The following PRKAR2B variants were observed in gnomAD, a reference collection of about 807,000 sequenced individuals.
PRKAR2B encodes protein kinase cAMP-dependent type II regulatory subunit beta.
A neutral mutation model predicts 49.9 loss-of-function variants in PRKAR2B; 14 were observed. That is an observed-to-expected ratio of 0.28 (90% CI 0.19 to 0.44). The LOEUF (loss-of-function observed/expected upper bound fraction) is 0.44. Ranked by LOEUF, PRKAR2B falls within the 20% of genes least tolerant of loss-of-function variation. The pLI, the probability that PRKAR2B is intolerant of heterozygous loss-of-function variation, is 1.00. For missense variants in PRKAR2B, 393 were observed against 537.9 expected, an observed-to-expected ratio of 0.73 and a Z score of 2.67; for synonymous variants, 196 against 197.7, an observed-to-expected ratio of 0.99 and a Z score of 0.07.
At chr7:107,066,511 C>T (rs1794149452) in intron 1 of PRKAR2B, 2 of 152,018 alleles carry the variant, frequency 1.3e-5, no homozygotes, top group African/African-American at 2.4e-5. Context: ...ACTAAATAAG[C>T]GTCAGTCTCT....
intron 2 of PRKAR2B, chr7:107,091,668 A>C (rs1263621199): frequency 6.6e-6 from 1 of 152,234 alleles, no homozygotes; most frequent in Non-Finnish European, 1.5e-5. Flanking sequence ...ACAAGTCAGC[A>C]GTAACTTCTA....
At chr7:107,045,316 C>T (rs1012645546) in intron 1 of PRKAR2B, 102 bp downstream of exon 1, 8 of 1,007,054 alleles carry the variant, frequency 7.9e-6, no homozygotes, top group South Asian at 3.5e-5. Context: ...ACCCACCTCT[C>T]CCCGCATTCT....
chr7:107,117,544 T>TGA (rs1244179302), intron 2 of PRKAR2B, among the ~76,000 whole-genome samples: 1 of 152,186 alleles, frequency 6.6e-6, no homozygotes, highest in African/African-American at 2.4e-5. Context: ...CTGCCAGAGC[T>TGA]GAGGACCCAG....
chr7:107,073,949 T>A (rs1447807850), intron 2 of PRKAR2B, among the ~76,000 whole-genome samples: 2 of 151,804 alleles, frequency 1.3e-5, no homozygotes, highest in Non-Finnish European at 2.9e-5. Flanking sequence ...ATAGTCCCAG[T>A]TACTCGGGAG....
chr7:107,153,260 T>C lies in PRKAR2B; in HGVS notation c.918+9T>C, dbSNP rs201936544. On this transcript the variant is annotated intron_variant, in intron 8 of 10. Transcript: ENST00000265717. ...AACAAATCATTGCTCAGGTATGATA[T>C]TTTGAAATGTAATTCAGTTTAGGGT... 453 of 1,587,188 alleles carry C rather than the reference T, an allele frequency of 2.9e-4. 2 individuals carry two copies. In the African/African-American group the frequency reaches 5.2e-3, roughly 18 times the overall value.
intron 2 of PRKAR2B, among the ~76,000 whole-genome samples, chr7:107,076,529 A>G (rs1400506817): frequency 2.6e-5 from 4 of 152,212 alleles, no homozygotes; most frequent in African/African-American, 9.6e-5. Context: ...GCATTAGCAC[A>G]GCTGCTGTTT....
chr7:107,139,151 T>G (rs1795750067), intron 4 of PRKAR2B, among the ~76,000 whole-genome samples: 2 of 152,122 alleles, frequency 1.3e-5, no homozygotes, highest in African/African-American at 4.8e-5. Context: ...GAAATATCTA[T>G]CTCATGTGTT....
At chr7:107,114,263 T>A (rs1190694420) in intron 2 of PRKAR2B, among the ~76,000 whole-genome samples, 1 of 149,124 alleles carries the variant, frequency 6.7e-6, no homozygotes, top group African/African-American at 2.5e-5. Context: ...TTTGGAGGCA[T>A]TTTTGAAGAA....
intron 1 of PRKAR2B, among the ~76,000 whole-genome samples, chr7:107,056,732 G>A (rs1394523053): frequency 6.6e-6 from 1 of 152,090 alleles, no homozygotes; most frequent in Non-Finnish European, 1.5e-5. Flanking sequence ...ATGTTAAATA[G>A]ACTTTTAATA....
intron 10 of PRKAR2B, among the ~76,000 whole-genome samples, chr7:107,158,001 C>T (rs1226805974): frequency 6.6e-6 from 1 of 152,132 alleles, no homozygotes; most frequent in African/African-American, 2.4e-5. Context: ...ATAGCATAAA[C>T]TTAATGTTTT....
At chr7:107,139,086 T>G (rs1485133997) in intron 4 of PRKAR2B, among the ~76,000 whole-genome samples, 1 of 152,312 alleles carries the variant, frequency 6.6e-6, no homozygotes, top group East Asian at 1.9e-4. Context: ...TTTTTTTTGG[T>G]CTCATGGATA....
chr7:107,097,315 C>T (rs1388514128), intron 2 of PRKAR2B, among the ~76,000 whole-genome samples: 7 of 152,124 alleles, frequency 4.6e-5, no homozygotes, highest in African/African-American at 1.7e-4. Context: ...TTTTATCAGA[C>T]ACTAGGCTTG....
At chr7:107,126,443 AGT>A (rs1795495990) in intron 3 of PRKAR2B, among the ~76,000 whole-genome samples, 1 of 149,768 alleles carries the variant, frequency 6.7e-6, no homozygotes, top group African/African-American at 2.5e-5. Flanking sequence ...AAAAAAAAAA[AGT>A]CGTCATTGGT....
At chr7:107,090,084 A>C (rs1195518884) in intron 2 of PRKAR2B, among the ~76,000 whole-genome samples, 1 of 152,216 alleles carries the variant, frequency 6.6e-6, no homozygotes, top group Non-Finnish European at 1.5e-5. Context: ...AAGTGACTGC[A>C]ATGTGCAAAC....
chr7:107,055,967 T>C (rs1407786597), intron 1 of PRKAR2B, among the ~76,000 whole-genome samples: 2 of 152,250 alleles, frequency 1.3e-5, no homozygotes, highest in Non-Finnish European at 2.9e-5. Flanking sequence ...TTTAAGTCTT[T>C]AATCCATCTT....
rs868499095 is a variant in PRKAR2B, at chr7:107,065,344, G to A, written c.308-4937G>A. ...TGTATGTGTGTGTGTGTGTGTGTGT[G>A]TGTGTGTGTGTGTGTGTGTGTGTGT... On this transcript the variant is annotated intron_variant, in intron 1 of 10. Transcript: ENST00000265717. 7.2e-3 allele frequency among the ~76,000 whole-genome samples: 944 copies of A among 131,566 alleles called. 13 individuals are homozygous for A. The highest frequency in any genetic ancestry group is 0.021 in the African/African-American group (759 of 35,784). The allele number at this position is 131,566 out of a possible 152,430, so 86.3% of individuals were successfully genotyped here. A position where few individuals can be genotyped will look rare whatever the true frequency, so the allele number is the denominator to read the frequency against.
At chr7:107,051,665 G>A (rs1793806148) in intron 1 of PRKAR2B, among the ~76,000 whole-genome samples, 1 of 151,860 alleles carries the variant, frequency 6.6e-6, no homozygotes, top group Admixed American at 6.6e-5. Context: ...AAGAAAATCA[G>A]AACTATAAAC....
intron 1 of PRKAR2B, among the ~76,000 whole-genome samples, chr7:107,055,101 T>C (rs1219994517): frequency 2.6e-5 from 4 of 152,296 alleles, no homozygotes; most frequent in African/African-American, 9.6e-5. Flanking sequence ...CTGAGAATGA[T>C]GGTTTCCAGC....
intron 3 of PRKAR2B, among the ~76,000 whole-genome samples, chr7:107,124,284 G>T (rs1330484329): frequency 6.6e-6 from 1 of 152,196 alleles, no homozygotes; most frequent in African/African-American, 2.4e-5. Flanking sequence ...AATAAGGGTA[G>T]AGTATTTCTT....
Sources: allele counts gnomAD v4.1 joint callset (sites outside exome capture counted in the v4.1 genomes callset), GRCh38; gene constraint gnomAD v4.1.1; transcripts MANE v1.5; gene names NCBI Gene and HGNC (gene_info 2026-07-23, HGNC 2026-07-21).